Variants in GOLGA3 observed in about 807,000 individuals in gnomAD.
GOLGA3 encodes the protein golgin subfamily A member 3.
In GOLGA3, 75 loss-of-function variants were observed where a neutral mutation model predicts 169.4. That is an observed-to-expected ratio of 0.44 (90% CI 0.37 to 0.54). The LOEUF (loss-of-function observed/expected upper bound fraction) is 0.54. Ranked by LOEUF, GOLGA3 falls within the 20% of genes least tolerant of loss-of-function variation. The probability of loss-of-function intolerance (pLI) is 0.00; values close to 1 mark genes in which losing one functional copy is unlikely to be tolerated. For synonymous variants in GOLGA3, 824 were observed against 822.4 expected (o/e 1.00, Z -0.03); for missense variants, 1,899 against 1,930.0 (o/e 0.98, Z 0.30).
chr12:132,787,173 T>G (rs2045945599), intron 13 of GOLGA3, among the ~76,000 whole-genome samples: 1 of 151,978 alleles, frequency 6.6e-6, no homozygotes, highest in South Asian at 2.1e-4. Flanking sequence ...AGGCTAGTCT[T>G]GAACTCCTGA....
chr12:132,794,362 G>C (rs555777110), intron 11 of GOLGA3, among the ~76,000 whole-genome samples: 4 of 151,082 alleles, frequency 2.6e-5, no homozygotes, highest in African/African-American at 9.7e-5. Flanking sequence ...AAAGATGGCC[G>C]GGGATGTGTG....
intron 15 of GOLGA3, among the ~76,000 whole-genome samples, chr12:132,785,935 G>A (rs764780444): frequency 2.4e-4 from 36 of 152,178 alleles, no homozygotes; most frequent in Non-Finnish European, 2.4e-4. Flanking sequence ...CCTGTCAATC[G>A]CTGACCCCAT....
rs529263331 is a variant in GOLGA3, at chr12:132,771,254, T to G, written c.*1851A>C. ...TATATTACAACAGAACACAAATAGC[T>G]TAAAACACACCATACTGTTTTCTCC... On this transcript the variant is annotated 3_prime_UTR_variant, in exon 24 of 24. Coordinates refer to ENST00000450791, the MANE Select transcript of GOLGA3 (RefSeq NM_001389683.1). 4 of 152,732 alleles carry G rather than the reference T, an allele frequency of 2.6e-5. No homozygotes were observed. The highest frequency in any genetic ancestry group is 9.6e-5 in the African/African-American group (4 of 41,546). 9.5% of individuals were successfully genotyped at this position (152,732 alleles called of 1,614,324 possible).
intron 4 of GOLGA3, among the ~76,000 whole-genome samples, chr12:132,810,625 T>C (rs540090817): frequency 1.6e-4 from 25 of 152,322 alleles, no homozygotes; most frequent in Non-Finnish European, 1.5e-4. Context: ...GTGCGAGCCT[T>C]CTGTTATGCC....
chr12:132,813,973 C>T (rs1332320635), intron 3 of GOLGA3, among the ~76,000 whole-genome samples: 1 of 151,754 alleles, frequency 6.6e-6, no homozygotes, highest in Non-Finnish European at 1.5e-5. Flanking sequence ...ATCCACCCGC[C>T]TCGGCCTCCC....
At chr12:132,796,752 A>G in intron 9 of GOLGA3, 52 bp from the exon 10 acceptor site, 1 of 1,564,288 alleles carries the variant, frequency 6.4e-7, no homozygotes. Flanking sequence ...AATAGTGAAC[A>G]GCAGCCGGTG....
At chr12:132,818,037 C>T (rs1299764400) in intron 2 of GOLGA3, among the ~76,000 whole-genome samples, 7 of 137,796 alleles carry the variant, frequency 5.1e-5, no homozygotes, top group South Asian at 2.4e-4. Flanking sequence ...TAAGGTGAAC[C>T]CACCCTCCAC....
chr12:132,792,762 T>TGCACTCGGAGGGCTCCACACAGACC (rs1566097005), intron 11 of GOLGA3, among the ~76,000 whole-genome samples: 2 of 63,612 alleles, frequency 3.1e-5, no homozygotes, highest in South Asian at 6.6e-4. Flanking sequence ...CCACACGGAC[T>TGCACTCGGAGGGCTCCACACAGACC]GACCGCACGG....
chr12:132,807,322 G>C (rs1949456149), intron 5 of GOLGA3, 34 bp from the exon 6 acceptor site: 1 of 1,240,458 alleles, frequency 8.1e-7, no homozygotes, highest in Non-Finnish European at 1.1e-6. Flanking sequence ...GCCTGTGCGA[G>C]CCATCCTCAT....
intron 13 of GOLGA3, among the ~76,000 whole-genome samples, chr12:132,788,170 C>T (rs1461475476): frequency 1.3e-5 from 2 of 152,124 alleles, no homozygotes; most frequent in African/African-American, 2.4e-5. Flanking sequence ...AATCCATCAG[C>T]CCTCACTTTC....
chr12:132,811,481 TA>T (rs374504193), intron 4 of GOLGA3, among the ~76,000 whole-genome samples: 4 of 152,188 alleles, frequency 2.6e-5, no homozygotes, highest in African/African-American at 7.2e-5. Context: ...CTTGCATTTT[TA>T]TTTTTTTTTT....
In GOLGA3 at chr12:132,777,815, A is replaced by C. The variant is rs1480562369; in HGVS notation, c.3583-10T>G. 6.2e-7 allele frequency: 1 copy of C among 1,613,240 alleles called. No homozygotes were observed. The highest frequency in any genetic ancestry group is 1.1e-5 in the South Asian group (1 of 91,030). ...CCTTGGCAGCAGCCACCTAGGAGGA[A>C]GGAAGCCACGTTGTCCATGCCCTGC... On this transcript the variant is annotated splice_polypyrimidine_tract_variant and intron_variant, in intron 18 of 23. Coordinates refer to ENST00000450791, the MANE Select transcript of GOLGA3 (RefSeq NM_001389683.1). The surrounding 1 kb of genome is among the most constrained non-coding windows in gnomAD (Gnocchi z 4.7).
At chr12:132,782,238 C>T (rs1412203478) in intron 17 of GOLGA3, 58 bp downstream of exon 17, 4 of 1,396,486 alleles carry the variant, frequency 2.9e-6, no homozygotes, top group South Asian at 2.3e-5. Context: ...TCTCGGAGTG[C>T]GCACAGCCCC....
In GOLGA3 at chr12:132,786,387, G is replaced by C. The variant is rs1376542975; in HGVS notation, c.3075C>G (p.Gly1025=). The change falls in exon 15 of 24, where the codon GGC becomes GGG. Residue 1025 remains glycine, a synonymous_variant. Coordinates refer to ENST00000450791, the MANE Select transcript of GOLGA3 (RefSeq NM_001389683.1). Reference sequence around the variant, plus strand: ...TGCTGCCACCCTGGGCTCGGAGCTGGCCCAGCTCCGCGTCCGCAGCCTCCT... The same window carrying C: ...TGCTGCCACCCTGGGCTCGGAGCTGCCCCAGCTCCGCGTCCGCAGCCTCCT... The part of the protein sequence containing the change: ...AAKEAADAEL[G]QLRAQGGSSD... 6.2e-7 allele frequency: 1 copy of C among 1,611,900 alleles called. No homozygotes were observed. Among genetic ancestry groups the C allele is most frequent in the Non-Finnish European group, 8.5e-7 (1 of 1,179,036 alleles).
In GOLGA3 at chr12:132,777,982, G is replaced by A. The variant is rs941279586; in HGVS notation, c.3583-177C>T. On this transcript the variant is annotated intron_variant, in intron 18 of 23. Coordinates refer to ENST00000450791, the MANE Select transcript of GOLGA3 (RefSeq NM_001389683.1). The surrounding 1 kb of genome is among the most constrained non-coding windows in gnomAD (Gnocchi z 4.7). ...GATGAAACCACCTGACCCGGAGCTCGGCACGCAGCAAGTGCACACTTATGT... is the reference window on the plus strand; with the variant it reads ...GATGAAACCACCTGACCCGGAGCTCAGCACGCAGCAAGTGCACACTTATGT... Among the ~76,000 whole-genome samples, 2 of 152,198 alleles carry A rather than the reference G, an allele frequency of 1.3e-5. No individual in the cohort carries two copies. The highest frequency in any genetic ancestry group is 4.8e-5 in the African/African-American group (2 of 41,444).
chr12:132,807,151 T>A, intron 6 of GOLGA3, 26 bp downstream of exon 6: 1 of 1,384,704 alleles, frequency 7.2e-7, no homozygotes, highest in Non-Finnish European at 1.0e-6. Flanking sequence ...CGCCGCACGC[T>A]GAGATGTCAG....
At chr12:132,785,328 GAC>G (rs1248199110) in intron 15 of GOLGA3, among the ~76,000 whole-genome samples, 1 of 152,160 alleles carries the variant, frequency 6.6e-6, no homozygotes, top group East Asian at 1.9e-4. Flanking sequence ...TTGAATTTCA[GAC>G]ACAGAGTCTC....
At chr12:132,782,959 C>T (rs997993820) in intron 16 of GOLGA3, among the ~76,000 whole-genome samples, 2 of 151,890 alleles carry the variant, frequency 1.3e-5, no homozygotes, top group Non-Finnish European at 2.9e-5. Context: ...GTGACTCACA[C>T]CTGTAATCCC....
In GOLGA3 at chr12:132,789,307, C is replaced by A; in HGVS notation, c.2548-17G>T. On this transcript the variant is annotated splice_polypyrimidine_tract_variant and intron_variant, in intron 12 of 23. Transcript: ENST00000450791. ...CACCATCACCTGCCAAAGACAGAGG[C>A]TGTGAGCGGACGCTGGGCGGCGGGG... The A allele has an allele frequency of 6.4e-7, 1 of 1,560,100 alleles. No individual in the cohort carries two copies. The highest frequency in any genetic ancestry group is 8.6e-7 in the Non-Finnish European group (1 of 1,156,316).
Sources: allele counts gnomAD v4.1 joint callset (sites outside exome capture counted in the v4.1 genomes callset), GRCh38; gene constraint gnomAD v4.1.1; non-coding constraint Gnocchi (gnomAD v3.1); transcripts MANE v1.5; gene names NCBI Gene and HGNC (gene_info 2026-07-23, HGNC 2026-07-21).